ERICH1: variants seen among roughly 807,000 people sequenced by gnomAD.
ERICH1 encodes the protein glutamate-rich protein 1.
A neutral mutation model predicts 39.6 loss-of-function variants in ERICH1; 56 were observed. That is an observed-to-expected ratio of 1.41 (90% CI 1.14 to 1.77). The LOEUF is 1.77. ERICH1 is among the 40% of genes most tolerant of loss of function. The pLI is 0.00. For missense variants in ERICH1, 826 were observed against 575.4 expected, an observed-to-expected ratio of 1.44 and a Z score of -4.45; for synonymous variants, 313 against 223.6, an observed-to-expected ratio of 1.40 and a Z score of -3.57.
rs189395683 is a variant in ERICH1, at chr8:702,054, G to A, written c.170-9442C>T. Among the ~76,000 whole-genome samples the A allele has an allele frequency of 1.0e-3, 139 of 135,792 alleles. 1 individual carries two copies. Among genetic ancestry groups the A allele is most frequent in the African/African-American group, 3.0e-3 (104 of 35,098 alleles). 89.1% of individuals were successfully genotyped at this position (135,792 alleles called of 152,430 possible). The stretch of plus-strand genomic sequence containing the variant: ...ATTGCACCACTGCACTCCAGCCTCG[G>A]TGACAGAGCGGGACTACATCTCAAA... On this transcript the variant is annotated intron_variant, in intron 2 of 5. Transcript: ENST00000262109.
At chr8:633,647 C>T (rs1357821156) in intron 3 of ERICH1, among the ~76,000 whole-genome samples, 3 of 152,190 alleles carry the variant, frequency 2.0e-5, no homozygotes, top group Non-Finnish European at 4.4e-5. Flanking sequence ...TGCCAAGCCA[C>T]AGGAATGAAA....
chr8:651,289 G>A (rs993623695), intron 3 of ERICH1, among the ~76,000 whole-genome samples: 8 of 152,230 alleles, frequency 5.3e-5, no homozygotes, highest in African/African-American at 1.7e-4. Flanking sequence ...CTGACACTGT[G>A]ACACTGGGTT....
intron 1 of ERICH1, among the ~76,000 whole-genome samples, chr8:720,891 C>T (rs1817166404): frequency 6.6e-6 from 1 of 152,204 alleles, no homozygotes; most frequent in Non-Finnish European, 1.5e-5. Context: ...GCCACTCTGA[C>T]CCCTGCTACT....
At chr8:658,314 G>A (rs965166710) in intron 3 of ERICH1, among the ~76,000 whole-genome samples, 2 of 152,202 alleles carry the variant, frequency 1.3e-5, no homozygotes, top group African/African-American at 4.8e-5. Context: ...CTGCCAGCCT[G>A]GCCTCCACTG....
intron 3 of ERICH1, among the ~76,000 whole-genome samples, chr8:653,599 G>A (rs1027717977): frequency 1.3e-5 from 2 of 152,188 alleles, no homozygotes; most frequent in African/African-American, 4.8e-5. Flanking sequence ...GGCGCTGCCC[G>A]ATTCATGAAT....
chr8:680,988 T>A (rs115375685), intron 3 of ERICH1, among the ~76,000 whole-genome samples: 1,818 of 152,316 alleles, frequency 0.012, 31 homozygotes, highest in African/African-American at 0.042. Context: ...ACTGTGATAG[T>A]GGTCTCAGGG....
intron 3 of ERICH1, among the ~76,000 whole-genome samples, chr8:621,816 A>T (rs1584934767): frequency 1.3e-5 from 2 of 152,356 alleles, no homozygotes; most frequent in South Asian, 4.1e-4. Context: ...TAATATCAAC[A>T]ATTATGAGCC....
chr8:619,043 G>A (rs535736874), intron 3 of ERICH1, among the ~76,000 whole-genome samples: 7 of 152,198 alleles, frequency 4.6e-5, no homozygotes, highest in East Asian at 3.9e-4. Context: ...ACAACAGTGA[G>A]AGTCTGTGGC....
At chr8:627,092 C>T (rs551155580) in intron 3 of ERICH1, 57 of 455,994 alleles carry the variant, frequency 1.3e-4, no homozygotes, top group East Asian at 3.5e-4. Context: ...CGGGGATGGA[C>T]GTATCCCTAG....
chr8:704,817 G>C (rs1303936881), intron 2 of ERICH1, among the ~76,000 whole-genome samples: 1 of 152,120 alleles, frequency 6.6e-6, no homozygotes, highest in African/African-American at 2.4e-5. Context: ...GACTCTGAAA[G>C]GGGGGGTGGT....
chr8:643,537 C>T (rs1585018181), intron 3 of ERICH1, among the ~76,000 whole-genome samples: 2 of 152,260 alleles, frequency 1.3e-5, no homozygotes, highest in East Asian at 1.9e-4. Context: ...CCCCGCCCCT[C>T]CTGCCCCTGC....
intron 1 of ERICH1, among the ~76,000 whole-genome samples, chr8:729,410 T>G (rs754317864): frequency 2.0e-5 from 3 of 152,160 alleles, no homozygotes; most frequent in Non-Finnish European, 4.4e-5. Flanking sequence ...CACCTTCCCC[T>G]AACTTCACTC....
At chr8:660,927 G>A (rs548444372), downstream of ERICH1, among the ~76,000 whole-genome samples, 11 of 152,068 alleles carry the variant, frequency 7.2e-5, no homozygotes, top group African/African-American at 1.4e-4. Flanking sequence ...GGTCCTGGGC[G>A]GTTCTCAGGC....
At chr8:644,761 C>A (rs1703882) in intron 3 of ERICH1, among the ~76,000 whole-genome samples, 43,599 of 66,182 alleles carry the variant, frequency 0.66, 20,445 homozygotes, top group East Asian at 0.82. Flanking sequence ...ACCTATCCAA[C>A]CACTTCTCTC....
rs771442666 is a variant in ERICH1, at chr8:673,446, G to A, written c.906C>T (p.Ser302=). The A allele has an allele frequency of 1.5e-5, 25 of 1,613,230 alleles. No individual in the cohort carries two copies. The highest frequency in any genetic ancestry group is 1.6e-4 in the Middle Eastern group (1 of 6,080). The stretch of plus-strand genomic sequence containing the variant: ...CCCCAGCCCATGTCGGGTCTTCCTC[G>A]CTGGCGTCCGCACCGTCCTCCTCCC... The part of the protein sequence containing the change: ...DTREEDGADA[S]EEDPTWAGEE... Residue 302 remains serine, a synonymous_variant, in exon 4 of 6, where the codon AGC becomes AGT. Transcript: ENST00000262109.
chr8:690,278 C>A (rs1808605144), intron 3 of ERICH1, among the ~76,000 whole-genome samples: 2 of 152,232 alleles, frequency 1.3e-5, no homozygotes, highest in Admixed American at 6.5e-5. Context: ...TCAGAGATTA[C>A]CCAAAGAACA....
At chr8:668,886 T>C in intron 4 of ERICH1, 94 bp from the exon 5 acceptor site, 1 of 1,126,954 alleles carries the variant, frequency 8.9e-7, no homozygotes, top group Non-Finnish European at 1.2e-6. Flanking sequence ...GTCTCAAACC[T>C]ACGCTTCCAC....
chr8:711,668 T>C (rs1814772428), intron 2 of ERICH1, among the ~76,000 whole-genome samples: 1 of 152,152 alleles, frequency 6.6e-6, no homozygotes. Context: ...CAGCTGATTT[T>C]TTGTATTTTT....
At chr8:622,701 C>G (rs62486180) in intron 3 of ERICH1, among the ~76,000 whole-genome samples, 3,584 of 152,172 alleles carry the variant, frequency 0.024, 54 homozygotes, top group African/African-American at 0.034. Context: ...ACCTGTAATC[C>G]CAGAACTTTG....
Sources: allele counts gnomAD v4.1 joint callset (sites outside exome capture counted in the v4.1 genomes callset), GRCh38; gene constraint gnomAD v4.1.1; transcripts MANE v1.5; gene names NCBI Gene and HGNC (gene_info 2026-07-23, HGNC 2026-07-21).